Variants in MTSS1 observed in about 807,000 individuals in gnomAD.
MTSS1 encodes the protein protein MTSS 1.
Under a neutral mutation model 79.0 loss-of-function variants are expected in MTSS1, and 18 were observed. That is an observed-to-expected ratio of 0.23 (90% confidence interval 0.16 to 0.34). The LOEUF (loss-of-function observed/expected upper bound fraction) is 0.34, where lower values mean the gene tolerates loss of function less well. MTSS1 is among the 10% of genes least tolerant of loss of function. The pLI is 1.00. For synonymous variants in MTSS1, 341 were observed against 368.6 expected (o/e 0.93, Z 0.86); for missense variants, 815 against 986.2 (o/e 0.83, Z 2.33).
At chr8:124,610,260 T>G (rs543096881) in intron 3 of MTSS1, among the ~76,000 whole-genome samples, 1 of 152,058 alleles carries the variant, frequency 6.6e-6, no homozygotes, top group African/African-American at 2.4e-5. Flanking sequence ...TTTTGTGACA[T>G]GGGGCTGATA....
intron 1 of MTSS1, 88 bp from the exon 2 acceptor site, chr8:124,704,279 G>A: frequency 8.9e-7 from 1 of 1,129,624 alleles, no homozygotes; most frequent in Non-Finnish European, 1.3e-6. Flanking sequence ...AATCATGCAG[G>A]GAACAATCTG....
chr8:124,625,604 C>T (rs913186604), intron 3 of MTSS1, among the ~76,000 whole-genome samples: 2 of 152,232 alleles, frequency 1.3e-5, no homozygotes, highest in Non-Finnish European at 2.9e-5. Context: ...ACTCTACCCC[C>T]AGAAGCAGCC....
At chr8:124,635,839 CT>C (rs374336370) in intron 3 of MTSS1, among the ~76,000 whole-genome samples, 7 of 151,980 alleles carry the variant, frequency 4.6e-5, no homozygotes, top group African/African-American at 1.7e-4. Context: ...GCTCTCATGC[CT>C]TCCATCTAGT....
chr8:124,593,892 T>C (rs1041477472), intron 3 of MTSS1, among the ~76,000 whole-genome samples: 1 of 152,104 alleles, frequency 6.6e-6, no homozygotes, highest in African/African-American at 2.4e-5. Context: ...CCTAGAACAA[T>C]GTACACCAAA....
chr8:124,604,511 A>G (rs1186059876), intron 3 of MTSS1, among the ~76,000 whole-genome samples: 1 of 152,184 alleles, frequency 6.6e-6, no homozygotes, highest in Non-Finnish European at 1.5e-5. Context: ...AGGAAGTACA[A>G]CTTCCCTTTT....
chr8:124,563,023 G>T (rs1435635079), intron 9 of MTSS1, 31 bp from the exon 10 acceptor site: 5 of 1,566,406 alleles, frequency 3.2e-6, no homozygotes, highest in African/African-American at 2.7e-5. Context: ...TGAGGGGTGG[G>T]CACGGAAGGT....
intron 3 of MTSS1, among the ~76,000 whole-genome samples, chr8:124,664,684 G>T (rs779536801): frequency 6.6e-6 from 1 of 152,064 alleles, no homozygotes; most frequent in Non-Finnish European, 1.5e-5. Flanking sequence ...AGCAAAATCC[G>T]CAACGAGAGC....
chr8:124,711,396 G>T (rs927182419), intron 1 of MTSS1, among the ~76,000 whole-genome samples: 1 of 152,222 alleles, frequency 6.6e-6, no homozygotes, highest in African/African-American at 2.4e-5. Context: ...GCCCAGAGAG[G>T]TTGGAGCAGA....
chr8:124,622,037 A>G (rs926023957), intron 3 of MTSS1, among the ~76,000 whole-genome samples: 2 of 149,762 alleles, frequency 1.3e-5, no homozygotes, highest in Admixed American at 6.7e-5. Context: ...ATGAGTAAGG[A>G]AAGTGTGAGA....
At chr8:124,583,212 A>G (rs1563796432) in intron 6 of MTSS1, among the ~76,000 whole-genome samples, 1 of 151,948 alleles carries the variant, frequency 6.6e-6, no homozygotes, top group African/African-American at 2.4e-5. Context: ...CCTGATCCCA[A>G]CCTCCATTCT....
intron 1 of MTSS1, among the ~76,000 whole-genome samples, chr8:124,707,368 G>A (rs1299328524): frequency 1.3e-5 from 2 of 149,890 alleles, no homozygotes; most frequent in African/African-American, 2.5e-5. Flanking sequence ...ACAACATGGC[G>A]AGACCCCATT....
chr8:124,557,544 G>A, intron 11 of MTSS1, 137 bp downstream of exon 11: 2 of 963,080 alleles, frequency 2.1e-6, no homozygotes, highest in Non-Finnish European at 1.5e-6. Flanking sequence ...AGTTTCCTGA[G>A]GGAGAGGCAT....
At chr8:124,579,499 G>C (rs895194975) in intron 6 of MTSS1, 2 of 152,222 alleles carry the variant, frequency 1.3e-5, no homozygotes, top group Admixed American at 6.5e-5. Context: ...ACTTCAGAAC[G>C]GCTAAAATGA....
At chr8:124,613,571 G>A (rs1002690442) in intron 3 of MTSS1, among the ~76,000 whole-genome samples, 1 of 152,160 alleles carries the variant, frequency 6.6e-6, no homozygotes, top group Non-Finnish European at 1.5e-5. Flanking sequence ...GTAACAATTG[G>A]GAGGAGAGTA....
At chr8:124,584,301 T>C (rs898222902) in intron 6 of MTSS1, among the ~76,000 whole-genome samples, 5 of 152,236 alleles carry the variant, frequency 3.3e-5, no homozygotes, top group African/African-American at 1.2e-4. Flanking sequence ...GAATCCCATC[T>C]TATCAGTTGT....
intron 3 of MTSS1, among the ~76,000 whole-genome samples, chr8:124,612,313 G>A (rs1027859251): frequency 6.6e-6 from 1 of 152,226 alleles, no homozygotes; most frequent in African/African-American, 2.4e-5. Context: ...GTCCCCAGCT[G>A]TGGAACTGGC....
intron 3 of MTSS1, among the ~76,000 whole-genome samples, chr8:124,677,764 T>C (rs1166390687): frequency 6.6e-6 from 1 of 152,172 alleles, no homozygotes; most frequent in Non-Finnish European, 1.5e-5. Context: ...CAACAGCATA[T>C]TTCAGAAAGA....
In MTSS1 at chr8:124,710,866, G is replaced by C. The variant is rs80219200; in HGVS notation, c.73-6675C>G. Among the ~76,000 whole-genome samples, 865 of 152,304 alleles carry C rather than the reference G, an allele frequency of 5.7e-3. 6 individuals carry two copies. The highest frequency in any genetic ancestry group is 0.01 in the Non-Finnish European group (713 of 68,022). On this transcript the variant is annotated intron_variant, in intron 1 of 13. Coordinates refer to ENST00000518547, the MANE Select transcript of MTSS1 (RefSeq NM_014751.6). The stretch of plus-strand genomic sequence containing the variant: ...AACTTGGGAGGAGCCACAGAGCTGG[G>C]GAGGACTTACGTGAGGAGGAAGAAT...
At chr8:124,719,024 G>A (rs111548371) in intron 1 of MTSS1, among the ~76,000 whole-genome samples, 202 of 152,266 alleles carry the variant, frequency 1.3e-3, no homozygotes, top group African/African-American at 4.7e-3. Flanking sequence ...TACAAATAGA[G>A]CGATCAAGGA....
Sources: allele counts gnomAD v4.1 joint callset (sites outside exome capture counted in the v4.1 genomes callset), GRCh38; gene constraint gnomAD v4.1.1; transcripts MANE v1.5; gene names NCBI Gene and HGNC (gene_info 2026-07-23, HGNC 2026-07-21).